The following ANO3 variants were observed in gnomAD, a reference collection of about 807,000 sequenced individuals.
ANO3 encodes the protein anoctamin-3.
A neutral mutation model predicts 144.8 loss-of-function variants in ANO3; 99 were observed. The observed-to-expected ratio is 0.68, with a 90% CI of 0.58 to 0.81. ANO3 has a LOEUF of 0.81. ANO3 is among the 30% of genes least tolerant of loss of function. The pLI is 0.00. For missense variants in ANO3, 905 were observed against 1,202.2 expected, an observed-to-expected ratio of 0.75 and a Z score of 3.66; for synonymous variants, 414 against 392.6, an observed-to-expected ratio of 1.05 and a Z score of -0.64.
intron 14 of ANO3, 92 bp from the exon 15 acceptor site, chr11:26,598,273 A>C: frequency 1.8e-6 from 1 of 558,750 alleles, no homozygotes; most frequent in Non-Finnish European, 2.8e-6. Context: ...TTCATAATTT[A>C]ATTTTAATTA....
chr11:26,491,058 G>A (rs896911537), intron 4 of ANO3, among the ~76,000 whole-genome samples: 1 of 152,262 alleles, frequency 6.6e-6, no homozygotes, highest in Non-Finnish European at 1.5e-5. Context: ...TACTGGCTGG[G>A]AGTATGGACT....
In ANO3 at chr11:26,581,410, C is replaced by G. The variant is rs146170646; in HGVS notation, c.1448-16955C>G. 3.6e-3 allele frequency among the ~76,000 whole-genome samples: 544 copies of G among 150,784 alleles called. 2 individuals carry two copies. Among genetic ancestry groups the G allele is most frequent in the Middle Eastern group, 0.01 (3 of 292 alleles). On this transcript the variant is annotated intron_variant, in intron 14 of 26. Transcript: ENST00000256737. ...CAGTCTTAAATACAAAAGGAGAAGG[C>G]CGGACACTTGGTTCACGCCTGTAAT...
exon 1 of ANO3, chr11:26,309,676 G>T (rs974985172): frequency 2.5e-5 from 25 of 985,212 alleles, no homozygotes; most frequent in Non-Finnish European, 3.0e-5. Context: ...CTCATCGTGA[G>T]CTTGAGAAGA....
intron 18 of ANO3, among the ~76,000 whole-genome samples, chr11:26,632,091 C>A (rs1852800240): frequency 6.6e-6 from 1 of 151,636 alleles, no homozygotes; most frequent in African/African-American, 2.4e-5. Context: ...ACTTGGGAGG[C>A]TGAAGCAGAA....
intron 1 of ANO3, among the ~76,000 whole-genome samples, chr11:26,316,624 C>G (rs11029514): frequency 0.02 from 3,073 of 152,246 alleles, 65 homozygotes; most frequent in East Asian, 0.13. Flanking sequence ...GGGAGTATGT[C>G]TTAACCCTAA....
At chr11:26,575,315 A>G (rs1002901745) in intron 14 of ANO3, among the ~76,000 whole-genome samples, 1 of 151,874 alleles carries the variant, frequency 6.6e-6, no homozygotes, top group Non-Finnish European at 1.5e-5. Flanking sequence ...TTAAGGTAAG[A>G]GCCTAATGGT....
rs573989847 is a variant in ANO3, at chr11:26,470,582, A to G, written c.432+7434A>G. Among the ~76,000 whole-genome samples the G allele has an allele frequency of 2.2e-4, 33 of 152,120 alleles. No individual in the cohort carries two copies. The South Asian group carries it at 6.4e-3, about 30-fold the overall frequency. ...TAATGCCCTCAGACAAGGCAGTACTATGTTGAAAATCTCTAAACTATTTAA... is the reference window on the plus strand; with the variant it reads ...TAATGCCCTCAGACAAGGCAGTACTGTGTTGAAAATCTCTAAACTATTTAA... On this transcript the variant is annotated intron_variant, in intron 4 of 26. Transcript: ENST00000256737.
intron 1 of ANO3, among the ~76,000 whole-genome samples, chr11:26,313,370 G>T (rs1340391260): frequency 1.3e-5 from 2 of 152,094 alleles, no homozygotes; most frequent in Non-Finnish European, 2.9e-5. Context: ...ATTTCTTAGA[G>T]TCTCTTAATT....
At chr11:26,639,024 T>C (rs1853058444) in intron 20 of ANO3, 120 bp from the exon 21 acceptor site, 1 of 627,118 alleles carries the variant, frequency 1.6e-6, no homozygotes, top group Non-Finnish European at 2.8e-6. Context: ...GTTTTTATTT[T>C]CTTTATGCAT....
At chr11:26,624,247 C>T (rs1227377038) in intron 17 of ANO3, among the ~76,000 whole-genome samples, 2 of 152,156 alleles carry the variant, frequency 1.3e-5, no homozygotes, top group African/African-American at 2.4e-5. Context: ...CACACATATA[C>T]GTGTACACAC....
At chr11:26,614,462 A>G (rs1162199151) in intron 17 of ANO3, among the ~76,000 whole-genome samples, 1 of 152,140 alleles carries the variant, frequency 6.6e-6, no homozygotes, top group Admixed American at 6.5e-5. Flanking sequence ...TGGAAAGTCA[A>G]TTGATACTGA....
At chr11:26,360,266 C>G (rs559398300) in intron 1 of ANO3, among the ~76,000 whole-genome samples, 2 of 142,812 alleles carry the variant, frequency 1.4e-5, no homozygotes, top group Admixed American at 1.5e-4. Flanking sequence ...CTGTCTTTCA[C>G]TTTGCAGTCT....
chr11:26,304,200 T>A (rs1432968868), intron 1 of ANO3, among the ~76,000 whole-genome samples: 1 of 152,186 alleles, frequency 6.6e-6, no homozygotes, highest in Non-Finnish European at 1.5e-5. Context: ...ACAATTTTCA[T>A]TTGAAATAGA....
At chr11:26,196,909 A>G (rs1851600399) in intron 1 of ANO3, among the ~76,000 whole-genome samples, 1 of 152,244 alleles carries the variant, frequency 6.6e-6, no homozygotes, top group African/African-American at 2.4e-5. Context: ...TTGTACAAGC[A>G]TAAAAACTCA....
At chr11:26,388,733 T>C (rs1856798676) in intron 1 of ANO3, among the ~76,000 whole-genome samples, 1 of 152,198 alleles carries the variant, frequency 6.6e-6, no homozygotes, top group South Asian at 2.1e-4. Flanking sequence ...ACAGAGCCAC[T>C]TGAAGGCACT....
chr11:26,239,620 C>T (rs569896798), intron 1 of ANO3, among the ~76,000 whole-genome samples: 3 of 152,298 alleles, frequency 2.0e-5, no homozygotes, highest in Non-Finnish European at 4.4e-5. Context: ...TCACCCATAG[C>T]ACTGAAGGGA....
At chr11:26,249,301 T>TA (rs886684779) in intron 1 of ANO3, among the ~76,000 whole-genome samples, 2 of 152,118 alleles carry the variant, frequency 1.3e-5, no homozygotes, top group African/African-American at 4.8e-5. Context: ...ACAGGTTACT[T>TA]AAAAAAAGAA....
intron 17 of ANO3, among the ~76,000 whole-genome samples, chr11:26,602,700 G>C (rs897529867): frequency 6.7e-6 from 1 of 149,918 alleles, no homozygotes; most frequent in Non-Finnish European, 1.5e-5. Flanking sequence ...ACAATAAGCT[G>C]TGATCACCCC....
intron 4 of ANO3, among the ~76,000 whole-genome samples, chr11:26,504,749 C>T (rs1861347229): frequency 1.3e-5 from 2 of 151,354 alleles, no homozygotes; most frequent in Admixed American, 1.3e-4. Context: ...GCCCGCCGGG[C>T]GCGGTGGCTC....
Sources: allele counts gnomAD v4.1 joint callset (sites outside exome capture counted in the v4.1 genomes callset), GRCh38; gene constraint gnomAD v4.1.1; transcripts MANE v1.5; gene names NCBI Gene and HGNC (gene_info 2026-07-23, HGNC 2026-07-21).